The following BLTP1 variants were observed in gnomAD, a reference collection of about 807,000 sequenced individuals.
BLTP1 encodes the protein bridge-like lipid transfer protein family member 1.
chr4:122,308,053 A>G, the BLTP1 span: 1 of 1,613,446 alleles, frequency 6.2e-7, no homozygotes, highest in African/African-American at 1.3e-5. Context: ...AGTAGTAGAT[A>G]TGCTACCTGG....
chr4:122,346,158 G>A, the BLTP1 span, among the ~76,000 whole-genome samples: 1 of 152,108 alleles, frequency 6.6e-6, no homozygotes, highest in Non-Finnish European at 1.5e-5. Context: ...GTAGAAGAAT[G>A]CTCCAGAGCA....
chr4:122,182,613 C>T, the BLTP1 span: 1 of 984,064 alleles, frequency 1.0e-6, no homozygotes, highest in Non-Finnish European at 1.2e-6. Context: ...TCACAGGAGC[C>T]CTCCATCTAC....
At chr4:122,209,107 A>G in the BLTP1 span, 7 of 1,520,304 alleles carry the variant, frequency 4.6e-6, no homozygotes, top group Non-Finnish European at 6.2e-6. Flanking sequence ...GTATTAACCA[A>G]CATATTTATG....
chr4:122,277,325 C>T, the BLTP1 span, among the ~76,000 whole-genome samples: 20 of 152,148 alleles, frequency 1.3e-4, no homozygotes, highest in African/African-American at 2.2e-4. Context: ...TGGGCAACAA[C>T]GAGACCCCAT....
chr4:122,254,993 T>C, the BLTP1 span: 1 of 1,536,282 alleles, frequency 6.5e-7, no homozygotes, highest in Admixed American at 1.9e-5. Flanking sequence ...ATACAAACTT[T>C]AGTATTGAAA....
At chr4:122,347,939 A>G in the BLTP1 span, among the ~76,000 whole-genome samples, 25 of 151,966 alleles carry the variant, frequency 1.6e-4, no homozygotes, top group Admixed American at 1.6e-3. Flanking sequence ...TAAAAACAAC[A>G]AAACAAATAT....
chr4:122,309,323 A>T, the BLTP1 span: 1 of 1,613,320 alleles, frequency 6.2e-7, no homozygotes, highest in Non-Finnish European at 8.5e-7. Context: ...CATTGAAAGT[A>T]CTCTCATCAC....
the BLTP1 span, among the ~76,000 whole-genome samples, chr4:122,222,390 T>C: frequency 0.028 from 4,300 of 152,278 alleles, 137 homozygotes; most frequent in African/African-American, 0.08. Context: ...ACTGATGGAC[T>C]ACTGTGTCCC....
the BLTP1 span, chr4:122,188,840 T>C: frequency 1.1e-5 from 6 of 523,110 alleles, no homozygotes; most frequent in Non-Finnish European, 1.5e-5. Context: ...GTAGGTACCT[T>C]ATGAGGTTTT....
chr4:122,333,919 T>G, the BLTP1 span: 1 of 1,340,344 alleles, frequency 7.5e-7, no homozygotes, highest in Non-Finnish European at 1.0e-6. Context: ...ACTTAGTGAC[T>G]TCTTTGTCTA....
At chr4:122,320,210 G>A in the BLTP1 span, among the ~76,000 whole-genome samples, 1 of 151,988 alleles carries the variant, frequency 6.6e-6, no homozygotes, top group Non-Finnish European at 1.5e-5. Context: ...GTGCAGTGGT[G>A]CAATCATAGC....
At chr4:122,343,291 G>T in the BLTP1 span, 2 of 1,259,868 alleles carry the variant, frequency 1.6e-6, no homozygotes, top group Admixed American at 2.5e-5. Flanking sequence ...TAAATCTATT[G>T]ATCTGATGTT....
At chr4:122,261,354 A>T in the BLTP1 span, 1 of 984,610 alleles carries the variant, frequency 1.0e-6, no homozygotes, top group African/African-American at 1.7e-5. Flanking sequence ...TGTTTTGAAC[A>T]TTCTTTTGCT....
chr4:122,219,330 A>T, the BLTP1 span: 13 of 1,608,456 alleles, frequency 8.1e-6, no homozygotes, highest in South Asian at 1.4e-4. Context: ...TGTTTTCTTA[A>T]TATTTATAGG....
At chr4:122,260,688 G>A in the BLTP1 span, among the ~76,000 whole-genome samples, 1 of 151,864 alleles carries the variant, frequency 6.6e-6, no homozygotes, top group Non-Finnish European at 1.5e-5. Context: ...TTTAGAAGGT[G>A]ATGCTCTTTT....
At chr4:122,325,080 TG>T in the BLTP1 span, 1 of 689,626 alleles carries the variant, frequency 1.5e-6, no homozygotes, top group Non-Finnish European at 2.2e-6. Flanking sequence ...CTCTTTTTTA[TG>T]GGATGCTAAA....
the BLTP1 span, chr4:122,219,628 G>T: frequency 2.5e-6 from 3 of 1,215,252 alleles, no homozygotes; most frequent in South Asian, 3.8e-5. Flanking sequence ...GTGTATAGAT[G>T]TGAAGCATTC....
the BLTP1 span, chr4:122,286,930 T>A: frequency 1.6e-6 from 1 of 621,126 alleles, no homozygotes; most frequent in East Asian, 3.0e-5. Context: ...CCAAATCAAG[T>A]GTGTGTGTGT....
chr4:122,303,001 GA>G, the BLTP1 span, among the ~76,000 whole-genome samples: 1 of 152,226 alleles, frequency 6.6e-6, no homozygotes, highest in Non-Finnish European at 1.5e-5. Context: ...TAGAATAATT[GA>G]TGAAGGTGGT....
Sources: allele counts gnomAD v4.1 joint callset (sites outside exome capture counted in the v4.1 genomes callset), GRCh38; gene constraint gnomAD v4.1.1; transcripts MANE v1.5; gene names NCBI Gene and HGNC (gene_info 2026-07-23, HGNC 2026-07-21).